Variants in PPFIBP1 observed in about 807,000 individuals in gnomAD.
The protein encoded by PPFIBP1 is PPFIB scaffold protein 1, also known as liprin-beta-1.
PPFIBP1 carries 112 observed loss-of-function variants against 137.8 expected under a neutral mutation model. The ratio of observed to expected loss-of-function variants is 0.81; its 90% CI spans 0.70 to 0.95. The LOEUF (loss-of-function observed/expected upper bound fraction) is 0.95. Ranked by LOEUF, PPFIBP1 falls within the 40% of genes least tolerant of loss-of-function variation. PPFIBP1 has a pLI of 0.00. For synonymous variants in PPFIBP1, 378 were observed against 417.3 expected (o/e 0.91, Z 1.15); for missense variants, 1,083 against 1,196.6 (o/e 0.91, Z 1.40).
chr12:27,660,717 A>AT (rs1169574365), intron 10 of PPFIBP1, among the ~76,000 whole-genome samples, 167 bp from the exon 11 acceptor site: 1 of 152,138 alleles, frequency 6.6e-6, no homozygotes, highest in Non-Finnish European at 1.5e-5. Context: ...ATCTTTTCAG[A>AT]TTTTTCCAAA....
chr12:27,623,855 G>A (rs1186291357), intron 2 of PPFIBP1, among the ~76,000 whole-genome samples: 5 of 152,096 alleles, frequency 3.3e-5, no homozygotes, highest in Non-Finnish European at 5.9e-5. Flanking sequence ...GTGTGTTTGC[G>A]GAGCCACTGA....
Position 27,653,032 on chromosome 12 carries a change from A to G in PPFIBP1, c.604-1690A>G, listed in dbSNP as rs1007876453. 1.4e-4 allele frequency among the ~76,000 whole-genome samples: 21 copies of G among 152,300 alleles called. 1 individual carries two copies. Among genetic ancestry groups the G allele is most frequent in the Admixed American group, 3.3e-4 (5 of 15,294 alleles). On this transcript the variant is annotated intron_variant, in intron 7 of 29. Transcript: ENST00000228425. ...TAAGGTGTAATTGTATAACTATGAT[A>G]GGTAATATTTTGCCCCATTTTATAA...
intron 4 of PPFIBP1, among the ~76,000 whole-genome samples, chr12:27,637,699 G>A (rs1985239): frequency 0.22 from 33,110 of 151,898 alleles, 3,843 homozygotes; most frequent in East Asian, 0.29. Context: ...AAGAGAGGAG[G>A]GCTGGCTGTT....
intron 3 of PPFIBP1, among the ~76,000 whole-genome samples, chr12:27,634,071 G>A (rs1435329782): frequency 4.0e-5 from 6 of 150,386 alleles, no homozygotes; most frequent in African/African-American, 1.5e-4. Flanking sequence ...TCCTGACCTC[G>A]TGATCCACTC....
intron 1 of PPFIBP1, among the ~76,000 whole-genome samples, chr12:27,551,546 C>A (rs1946777145): frequency 1.3e-5 from 2 of 151,088 alleles, no homozygotes; most frequent in Non-Finnish European, 3.0e-5. Context: ...CTTGGAAATC[C>A]AAAAAAATAG....
At chr12:27,657,559 T>C (rs1276772854) in intron 9 of PPFIBP1, among the ~76,000 whole-genome samples, 1 of 151,658 alleles carries the variant, frequency 6.6e-6, no homozygotes, top group African/African-American at 2.4e-5. Flanking sequence ...ATTAGTAACA[T>C]TGTCTGTCCA....
chr12:27,671,508 A>T lies in PPFIBP1; in HGVS notation c.1224A>T (p.Ser408=). Residue 408 remains serine (S), a synonymous_variant, in exon 14 of 30, where the codon TCA becomes TCT. Coordinates refer to ENST00000228425, the MANE Select transcript of PPFIBP1 (RefSeq NM_003622.4). ...TAAGCATGGAAACTTCTGAAAAATCAAAGTTGACTCCTAAGCCAGAGACTT... is the reference window on the plus strand; with the variant it reads ...TAAGCATGGAAACTTCTGAAAAATCTAAGTTGACTCCTAAGCCAGAGACTT... ...ATVSMETSEK[S]KLTPKPETSF... 2 of 1,601,860 alleles carry T rather than the reference A, an allele frequency of 1.2e-6. No individual in the cohort carries two copies. The highest frequency in any genetic ancestry group is 1.7e-6 in the Non-Finnish European group (2 of 1,175,058).
At chr12:27,637,849 A>G (rs1357077687) in intron 4 of PPFIBP1, among the ~76,000 whole-genome samples, 1 of 152,180 alleles carries the variant, frequency 6.6e-6, no homozygotes, top group African/African-American at 2.4e-5. Flanking sequence ...TAATTTAGTA[A>G]TTTGCTGATA....
intron 2 of PPFIBP1, among the ~76,000 whole-genome samples, chr12:27,581,455 A>G (rs1404626183): frequency 6.6e-6 from 1 of 152,196 alleles, no homozygotes; most frequent in Admixed American, 6.5e-5. Flanking sequence ...ATGGTTAGCT[A>G]TTCACTCAGG....
Position 27,631,381 on chromosome 12 carries a change from C to G in PPFIBP1, c.-35-1981C>G, listed in dbSNP as rs143437374. On this transcript the variant is annotated intron_variant, in intron 2 of 29. Transcript: ENST00000228425. ...AGTCCCTGGCTACCTGTTTAATTTG[C>G]AAAGCCTTCCAAATTGGACCCCCTT... is the stretch of plus-strand genomic sequence containing the variant. Among the ~76,000 whole-genome samples the G allele has an allele frequency of 1.6e-4, 24 of 152,262 alleles. 1 individual carries two copies. Among genetic ancestry groups the G allele is most frequent in the Admixed American group, 9.2e-4 (14 of 15,292 alleles).
intron 2 of PPFIBP1, among the ~76,000 whole-genome samples, chr12:27,607,519 G>A (rs1370465532): frequency 6.6e-6 from 1 of 152,174 alleles, no homozygotes; most frequent in Middle Eastern, 3.2e-3. Context: ...GAATCACCTG[G>A]AGGACTTGTT....
At chr12:27,646,413 T>C (rs2058496942) in intron 5 of PPFIBP1, 4 of 327,638 alleles carry the variant, frequency 1.2e-5, no homozygotes, top group Non-Finnish European at 2.4e-5. Flanking sequence ...CTGTTCTTTT[T>C]TTTTTTTTTT....
At chr12:27,541,593 G>A (rs1431356684) in intron 1 of PPFIBP1, among the ~76,000 whole-genome samples, 2 of 152,208 alleles carry the variant, frequency 1.3e-5, no homozygotes, top group Non-Finnish European at 2.9e-5. Flanking sequence ...CACCCAGGTT[G>A]AGTCCTGTGG....
At chr12:27,658,783 C>G in intron 9 of PPFIBP1, 33 bp from the exon 10 acceptor site, 1 of 1,592,168 alleles carries the variant, frequency 6.3e-7, no homozygotes, top group Non-Finnish European at 8.6e-7. Context: ...GTAATGTATG[C>G]TAACTTCCAA....
At chr12:27,659,660 TAA>T (rs60576797) in intron 10 of PPFIBP1, among the ~76,000 whole-genome samples, 10,428 of 149,296 alleles carry the variant, frequency 0.07, 449 homozygotes, top group East Asian at 0.12. Context: ...CCCCATCTCT[TAA>T]AAAAAAAAAA....
At chr12:27,667,134 T>C (rs2059907637) in intron 12 of PPFIBP1, 32 bp from the exon 13 acceptor site, 1 of 1,503,900 alleles carries the variant, frequency 6.6e-7, no homozygotes, top group Non-Finnish European at 8.9e-7. Flanking sequence ...CAAAAGCTGC[T>C]GTTGTCTTCT....
intron 17 of PPFIBP1, among the ~76,000 whole-genome samples, chr12:27,674,811 A>ATTT (rs72418237): frequency 0.39 from 42,865 of 108,570 alleles, 9,549 homozygotes; most frequent in East Asian, 0.51. Context: ...CTTTCCCCTG[A>ATTT]TTTTTTTTTT....
chr12:27,590,335 C>T (rs1275703933), intron 2 of PPFIBP1, among the ~76,000 whole-genome samples: 3 of 152,218 alleles, frequency 2.0e-5, no homozygotes, highest in South Asian at 2.1e-4. Context: ...GCCACCATAC[C>T]TGGCTAATTT....
chr12:27,599,519 C>T (rs1371113701), intron 2 of PPFIBP1: 3 of 455,852 alleles, frequency 6.6e-6, no homozygotes, highest in East Asian at 6.9e-5. Context: ...TTCTCTTTCT[C>T]TCCTTCCCTC....
Sources: allele counts gnomAD v4.1 joint callset (sites outside exome capture counted in the v4.1 genomes callset), GRCh38; gene constraint gnomAD v4.1.1; transcripts MANE v1.5; gene names NCBI Gene and HGNC (gene_info 2026-07-23, HGNC 2026-07-21).